Variants in ADGRL2 observed in about 807,000 individuals in gnomAD.
ADGRL2 encodes calcium-independent alpha-latrotoxin receptor 2.
A neutral mutation model predicts 157.4 loss-of-function variants in ADGRL2; 44 were observed. That is an observed-to-expected ratio of 0.28 (90% CI 0.22 to 0.36). The LOEUF is 0.36. Ranked by LOEUF, ADGRL2 falls within the 10% of genes least tolerant of loss-of-function variation. The probability of loss-of-function intolerance (pLI) is 1.00; values close to 1 mark genes in which losing one functional copy is unlikely to be tolerated. For missense variants in ADGRL2, 1,510 were observed against 1,768.9 expected, an observed-to-expected ratio of 0.85 and a Z score of 2.63; for synonymous variants, 585 against 624.7, an observed-to-expected ratio of 0.94 and a Z score of 0.95.
At chr1:81,751,868 A>T (rs1157745574) in intron 1 of ADGRL2, among the ~76,000 whole-genome samples, 1 of 152,234 alleles carries the variant, frequency 6.6e-6, no homozygotes, top group Non-Finnish European at 1.5e-5. Context: ...GTGATTTAAG[A>T]TTGTTTCAAA....
At chr1:81,368,699 C>T (rs1271582619) in intron 1 of ADGRL2, among the ~76,000 whole-genome samples, 1 of 152,140 alleles carries the variant, frequency 6.6e-6, no homozygotes, top group African/African-American at 2.4e-5. Context: ...TCACACTTTA[C>T]ACTGCTACAG....
intron 1 of ADGRL2, among the ~76,000 whole-genome samples, chr1:81,351,050 TG>T (rs1351708001): frequency 6.6e-6 from 1 of 152,180 alleles, no homozygotes; most frequent in Non-Finnish European, 1.5e-5. Flanking sequence ...ATTTAAAACT[TG>T]ATCAAAATTT....
intron 1 of ADGRL2, among the ~76,000 whole-genome samples, chr1:81,308,848 T>C (rs1027728289): frequency 3.3e-5 from 5 of 152,192 alleles, no homozygotes; most frequent in Admixed American, 2.0e-4. Context: ...TTGCCTCATC[T>C]GTAAACTTGC....
rs187753468 is a variant in ADGRL2, at chr1:81,860,581, G to T, written c.73+23524G>T. On this transcript the variant is annotated intron_variant, in intron 2 of 23. Transcript: ENST00000686636. ...TCAGTCACTTAGATCTCTGTTCATT[G>T]GAAAAATACCCCATGGTAACATGAC... Among the ~76,000 whole-genome samples, 47 of 152,202 alleles carry T rather than the reference G, an allele frequency of 3.1e-4. No individual in the cohort carries two copies. The East Asian group carries it at 4.6e-3, about 15-fold the overall frequency.
intron 1 of ADGRL2, among the ~76,000 whole-genome samples, chr1:81,373,394 G>A (rs569347933): frequency 1.3e-5 from 2 of 152,184 alleles, no homozygotes; most frequent in Admixed American, 6.5e-5. Flanking sequence ...TTTTCCCAAT[G>A]AGTTCCACAT....
At position 81,952,977 on chromosome 1, in the gene ADGRL2, T is replaced by TA; in HGVS notation, c.1795-9dup. ...CTAACCTCTGATTTTTCTTTTCTTTTACTTAAAAGCTCCAAAAACGAGAGA... is the reference window on the plus strand; with the variant it reads ...CTAACCTCTGATTTTTCTTTTCTTTTAACTTAAAAGCTCCAAAAACGAGAGA... On this transcript the variant is annotated splice_polypyrimidine_tract_variant and intron_variant, in intron 9 of 23. Coordinates refer to ENST00000686636, the MANE Select transcript of ADGRL2 (RefSeq NM_001366006.2). The TA allele has an allele frequency of 6.2e-7, 1 of 1,609,088 alleles. No homozygotes were observed. The highest frequency in any genetic ancestry group is 8.5e-7 in the Non-Finnish European group (1 of 1,176,778).
chr1:81,631,545 A>G (rs1287669203), intron 3 of ADGRL2, among the ~76,000 whole-genome samples: 1 of 152,118 alleles, frequency 6.6e-6, no homozygotes, highest in African/African-American at 2.4e-5. Flanking sequence ...TAGTACCTTG[A>G]TTCTCAAACT....
rs1270827206 is a variant in ADGRL2, at chr1:81,509,067, A to T, written c.-248+63978A>T. On this transcript the variant is annotated intron_variant, in intron 2 of 24. Transcript: ENST00000370721. ...CATATTTTGATTAAAGTTGCTCTTC[A>T]TCCTTCCTTTCAACCACTGCCACAT... 2.0e-5 allele frequency among the ~76,000 whole-genome samples: 3 copies of T among 152,094 alleles called. No individual in the cohort carries two copies. The East Asian group carries it at 5.8e-4, about 29-fold the overall frequency.
chr1:81,909,543 C>G (rs991887631), intron 3 of ADGRL2, among the ~76,000 whole-genome samples: 3 of 152,162 alleles, frequency 2.0e-5, no homozygotes, highest in Admixed American at 1.3e-4. Context: ...TTTGGCTTTA[C>G]TCAGTAGGTT....
At chr1:81,842,618 A>G (rs891732905) in intron 2 of ADGRL2, among the ~76,000 whole-genome samples, 1 of 151,992 alleles carries the variant, frequency 6.6e-6, no homozygotes, top group African/African-American at 2.4e-5. Context: ...GGCCTCCCAA[A>G]GGACTGGGAT....
chr1:81,311,269 T>A (rs1659735601), intron 1 of ADGRL2, among the ~76,000 whole-genome samples: 1 of 152,226 alleles, frequency 6.6e-6, no homozygotes, highest in African/African-American at 2.4e-5. Context: ...TTTATGATTG[T>A]TGTTATACAT....
intron 11 of ADGRL2, among the ~76,000 whole-genome samples, chr1:81,959,896 G>T (rs1186776872): frequency 6.6e-6 from 1 of 151,976 alleles, no homozygotes; most frequent in African/African-American, 2.4e-5. Flanking sequence ...CGCCTCCTGG[G>T]TTCAAGTGAT....
intron 1 of ADGRL2, among the ~76,000 whole-genome samples, chr1:81,702,590 A>G (rs771378949): frequency 1.1e-4 from 16 of 152,192 alleles, no homozygotes; most frequent in Non-Finnish European, 1.9e-4. Context: ...AGCTCAAACA[A>G]CTTTTCCTTA....
intron 1 of ADGRL2, among the ~76,000 whole-genome samples, chr1:81,332,449 T>C (rs1661340141): frequency 6.6e-6 from 1 of 152,182 alleles, no homozygotes; most frequent in African/African-American, 2.4e-5. Flanking sequence ...GCCAATCAAG[T>C]TGTGTAAGTA....
chr1:81,324,579 T>A (rs1164414531), intron 1 of ADGRL2, among the ~76,000 whole-genome samples: 1 of 149,994 alleles, frequency 6.7e-6, no homozygotes, highest in East Asian at 1.9e-4. Flanking sequence ...AAATTATATA[T>A]GTTAAAAATT....
chr1:81,966,667 A>G, intron 13 of ADGRL2, 58 bp downstream of exon 13: 2 of 1,464,058 alleles, frequency 1.4e-6, no homozygotes, highest in Non-Finnish European at 1.9e-6. Flanking sequence ...AAGAAAGGAA[A>G]GCAAAACTGA....
At chr1:81,614,239 C>G (rs929487634) in intron 3 of ADGRL2, among the ~76,000 whole-genome samples, 10 of 152,214 alleles carry the variant, frequency 6.6e-5, no homozygotes, top group African/African-American at 2.2e-4. Context: ...AGCCTTAACC[C>G]TCTCCATATA....
intron 2 of ADGRL2, among the ~76,000 whole-genome samples, chr1:81,769,496 C>T (rs2086267741): frequency 6.6e-6 from 1 of 151,952 alleles, no homozygotes; most frequent in Non-Finnish European, 1.5e-5. Flanking sequence ...ATCAAGTTTC[C>T]AAATATATAA....
chr1:81,697,502 G>C (rs1401360162), upstream of ADGRL2, among the ~76,000 whole-genome samples: 2 of 152,120 alleles, frequency 1.3e-5, no homozygotes, highest in African/African-American at 2.4e-5. Context: ...ATATTGTCAG[G>C]CTCCTTGCCA....
Sources: allele counts gnomAD v4.1 joint callset (sites outside exome capture counted in the v4.1 genomes callset), GRCh38; gene constraint gnomAD v4.1.1; transcripts MANE v1.5; gene names NCBI Gene and HGNC (gene_info 2026-07-23, HGNC 2026-07-21).